Variants in AKT3 observed in about 807,000 individuals in gnomAD.
The protein encoded by AKT3 is AKT serine/threonine kinase 3.
AKT3 carries 15 observed loss-of-function variants against 65.3 expected under a neutral mutation model. That is an observed-to-expected ratio of 0.23 (90% CI 0.15 to 0.35). AKT3 has a LOEUF of 0.35. AKT3 is among the 10% of genes least tolerant of loss of function. AKT3 has a pLI of 1.00. For missense variants in AKT3, 243 were observed against 576.5 expected, an observed-to-expected ratio of 0.42 and a Z score of 5.92; for synonymous variants, 206 against 183.8, an observed-to-expected ratio of 1.12 and a Z score of -0.98.
intron 5 of AKT3, among the ~76,000 whole-genome samples, chr1:243,641,802 G>C (rs1211485657): frequency 6.6e-6 from 1 of 152,034 alleles, no homozygotes; most frequent in Admixed American, 6.6e-5. Flanking sequence ...CAAGTGCAGT[G>C]GCAGGTGTCT....
downstream of AKT3, among the ~76,000 whole-genome samples, chr1:243,499,309 C>T (rs532533805): frequency 6.6e-6 from 1 of 152,266 alleles, no homozygotes; most frequent in Non-Finnish European, 1.5e-5. Context: ...GGAGGTGTTT[C>T]AGCTTGTATT....
At chr1:243,775,028 A>G (rs1432551273) in intron 2 of AKT3, among the ~76,000 whole-genome samples, 1 of 152,040 alleles carries the variant, frequency 6.6e-6, no homozygotes, top group Non-Finnish European at 1.5e-5. Context: ...ACGCCTAGCT[A>G]ATTTTTGTAT....
intron 2 of AKT3, among the ~76,000 whole-genome samples, chr1:243,836,011 T>A (rs1218301182): frequency 6.6e-6 from 1 of 151,772 alleles, no homozygotes; most frequent in Non-Finnish European, 1.5e-5. Flanking sequence ...AAAGAACACA[T>A]GACACAAACA....
intron 8 of AKT3, among the ~76,000 whole-genome samples, chr1:243,596,161 G>C (rs1489780521): frequency 6.6e-6 from 1 of 152,092 alleles, no homozygotes; most frequent in Non-Finnish European, 1.5e-5. Flanking sequence ...TAACAAATAG[G>C]AGAAAGATGT....
chr1:243,655,347 T>C (rs1681691094), intron 4 of AKT3, among the ~76,000 whole-genome samples: 2 of 152,170 alleles, frequency 1.3e-5, no homozygotes, highest in Admixed American at 6.5e-5. Flanking sequence ...TTCTTTTTTA[T>C]ACTTTCCCTC....
At chr1:243,492,582 G>A (rs1422644035) in intron 13 of AKT3, among the ~76,000 whole-genome samples, 5 of 150,062 alleles carry the variant, frequency 3.3e-5, no homozygotes, top group African/African-American at 1.2e-4. Context: ...GGGATTACAG[G>A]CGTGAGCCAC....
intron 10 of AKT3, among the ~76,000 whole-genome samples, chr1:243,559,667 C>T (rs917975231): frequency 1.3e-5 from 2 of 151,992 alleles, no homozygotes; most frequent in Non-Finnish European, 2.9e-5. Context: ...ATTAAAACAA[C>T]GTAAAAGGCG....
intron 4 of AKT3, among the ~76,000 whole-genome samples, chr1:243,650,306 G>A (rs541030781): frequency 6.6e-6 from 1 of 152,262 alleles, no homozygotes; most frequent in Admixed American, 6.5e-5. Context: ...CTGGATATTA[G>A]CCCTTTGTCA....
chr1:243,613,698 A>G lies in AKT3; in HGVS notation c.669T>C (p.Phe223=), dbSNP rs1346832698. The change falls in exon 8 of 14, where the codon TTT becomes TTC. Residue 223 remains phenylalanine, a synonymous_variant. Coordinates refer to ENST00000673466, the MANE Select transcript of AKT3 (RefSeq NM_005465.7). ...YSFQTKDRLC[F]VMEYVNGGEL... ...CGCCCCCATTAACATATTCCATCAC[A>G]AAACACAAACGGTCTTTTGTCTGGA... 6.3e-7 allele frequency: 1 copy of G among 1,593,902 alleles called. No individual in the cohort carries two copies. The highest frequency in any genetic ancestry group is 8.6e-7 in the Non-Finnish European group (1 of 1,169,108).
intron 3 of AKT3, among the ~76,000 whole-genome samples, chr1:243,683,667 A>G (rs992236877): frequency 6.6e-6 from 1 of 152,138 alleles, no homozygotes; most frequent in Admixed American, 6.6e-5. Flanking sequence ...AAAGGGGGGA[A>G]GGCAGATACA....
intron 11 of AKT3, among the ~76,000 whole-genome samples, chr1:243,547,621 G>T (rs555907187): frequency 2.0e-5 from 3 of 152,000 alleles, no homozygotes; most frequent in African/African-American, 7.2e-5. Flanking sequence ...TACTAAATAC[G>T]CATCAGTTTC....
At chr1:243,711,775 T>A (rs1686173265) in intron 2 of AKT3, among the ~76,000 whole-genome samples, 1 of 152,246 alleles carries the variant, frequency 6.6e-6, no homozygotes. Context: ...TTTAAATAGT[T>A]TAAGTGACTA....
chr1:243,661,636 T>C lies in AKT3; in HGVS notation c.284+3136A>G, dbSNP rs1340558281. On this transcript the variant is annotated intron_variant, in intron 4 of 13. Coordinates refer to ENST00000673466, the MANE Select transcript of AKT3 (RefSeq NM_005465.7). The stretch of plus-strand genomic sequence containing the variant: ...AACCTAGGCATTACCATTCAGGACA[T>C]AGGCAAGGGCAAGGACTTCATGTCT... Among the ~76,000 whole-genome samples the C allele has an allele frequency of 5.7e-3, 862 of 151,934 alleles. 11 individuals are homozygous for C. The highest frequency in any genetic ancestry group is 0.02 in the African/African-American group (820 of 41,412).
At chr1:243,671,271 G>A (rs1370356554) in intron 3 of AKT3, among the ~76,000 whole-genome samples, 2 of 151,832 alleles carry the variant, frequency 1.3e-5, no homozygotes, top group Non-Finnish European at 2.9e-5. Context: ...GTAGAGACGG[G>A]GTTTCACTGT....
downstream of AKT3, among the ~76,000 whole-genome samples, chr1:243,498,039 T>C (rs1430328779): frequency 6.7e-6 from 1 of 150,122 alleles, no homozygotes; most frequent in African/African-American, 2.5e-5. Context: ...TATTCAGTCA[T>C]CCTAGCATTT....
chr1:243,605,234 G>A (rs921800632), intron 8 of AKT3, among the ~76,000 whole-genome samples: 1 of 150,426 alleles, frequency 6.6e-6, no homozygotes, highest in Non-Finnish European at 1.5e-5. Flanking sequence ...CACCATGTTC[G>A]CCAGGCTGGT....
upstream of AKT3, among the ~76,000 whole-genome samples, chr1:243,850,467 C>G (rs1195271676): frequency 2.0e-5 from 3 of 151,302 alleles, no homozygotes; most frequent in Admixed American, 1.3e-4. Flanking sequence ...CGGCTCTGGG[C>G]CCCGGGGCGC....
At chr1:243,628,875 G>A (rs974699161) in intron 6 of AKT3, among the ~76,000 whole-genome samples, 18 of 152,212 alleles carry the variant, frequency 1.2e-4, no homozygotes, top group African/African-American at 4.3e-4. Flanking sequence ...TGCAATGATG[G>A]ATGAACTAAA....
chr1:243,520,998 T>C (rs956622111), intron 12 of AKT3, among the ~76,000 whole-genome samples: 4 of 152,232 alleles, frequency 2.6e-5, no homozygotes, highest in African/African-American at 4.8e-5. Context: ...TCCATGAGTG[T>C]ATGCATGAAC....
Sources: gnomAD v4.1 joint callset for allele counts (sites outside exome capture counted in the v4.1 genomes callset) on GRCh38, gnomAD v4.1.1 for gene constraint, MANE v1.5 for transcripts, NCBI Gene and HGNC (gene_info 2026-07-23, HGNC 2026-07-21) for gene names.